The following MCTP1 variants were observed in gnomAD, a reference collection of about 807,000 sequenced individuals.
MCTP1 encodes multiple C2 and transmembrane domain-containing protein 1.
MCTP1 carries 69 observed loss-of-function variants against 120.6 expected under a neutral mutation model. The observed-to-expected ratio is 0.57, with a 90% CI of 0.47 to 0.70. MCTP1 has a LOEUF of 0.70. MCTP1 is among the 30% of genes least tolerant of loss of function. The pLI is 0.00. For synonymous variants in MCTP1, 529 were observed against 493.1 expected, an observed-to-expected ratio of 1.07 and a Z score of -0.96; for missense variants, 1,203 against 1,248.8, an observed-to-expected ratio of 0.96 and a Z score of 0.55.
intron 3 of MCTP1, among the ~76,000 whole-genome samples, chr5:94,946,370 G>A (rs1438587251): frequency 1.3e-5 from 2 of 152,140 alleles, no homozygotes; most frequent in Admixed American, 6.6e-5. Context: ...CAAAGATATG[G>A]AAGTGGCTTA....
At chr5:95,069,700 C>CA (rs1554199366) in intron 1 of MCTP1, among the ~76,000 whole-genome samples, 1 of 138,218 alleles carries the variant, frequency 7.2e-6, no homozygotes, top group Non-Finnish European at 1.5e-5. Flanking sequence ...CCCTTCTGCC[C>CA]TTTTTTTTTT....
At chr5:95,078,037 T>TCCATCCATCCAG (rs1467721182) in intron 1 of MCTP1, among the ~76,000 whole-genome samples, 34 of 152,080 alleles carry the variant, frequency 2.2e-4, no homozygotes, top group Admixed American at 5.2e-4. Context: ...CATCTATCCA[T>TCCATCCATCCAG]CCATCCATCC....
At chr5:95,228,974 C>T (rs1754614676) in intron 1 of MCTP1, among the ~76,000 whole-genome samples, 1 of 152,114 alleles carries the variant, frequency 6.6e-6, no homozygotes, top group Non-Finnish European at 1.5e-5. Context: ...TTATAAATTA[C>T]CCAGTCTCAG....
chr5:94,953,427 T>C lies in MCTP1; in HGVS notation c.839-66A>G, dbSNP rs293045. ...GTTTGGAAGCAAGAGAACCACTCTT[T>C]TGAAACAACAAAAAGTATTTAAAGG... On this transcript the variant is annotated intron_variant, in intron 2 of 22. Transcript: ENST00000515393. 0.037 allele frequency: 46,514 copies of C among 1,273,844 alleles called. 1,226 individuals are homozygous for C. Among genetic ancestry groups the C allele is most frequent in the East Asian group, 0.094 (3,590 of 38,078 alleles). The allele number at this position is 1,273,844 out of a possible 1,614,324, so 78.9% of individuals were successfully genotyped here.
intron 13 of MCTP1, among the ~76,000 whole-genome samples, chr5:94,871,803 A>G (rs887312502): frequency 4.6e-5 from 7 of 152,058 alleles, no homozygotes; most frequent in Admixed American, 4.6e-4. Flanking sequence ...ATAAAACACC[A>G]CCAGGTTTGA....
intron 1 of MCTP1, among the ~76,000 whole-genome samples, chr5:95,139,739 T>C (rs995168651): frequency 6.6e-6 from 1 of 152,224 alleles, no homozygotes; most frequent in Non-Finnish European, 1.5e-5. Flanking sequence ...TGTTAAGTGG[T>C]ATTGGCCCCA....
At chr5:95,110,373 G>A (rs1000723388) in intron 1 of MCTP1, among the ~76,000 whole-genome samples, 2 of 151,892 alleles carry the variant, frequency 1.3e-5, no homozygotes, top group Non-Finnish European at 2.9e-5. Context: ...TACCAGCAAA[G>A]GTGGATAGGA....
intron 1 of MCTP1, among the ~76,000 whole-genome samples, chr5:95,083,620 TGTCTAAAAGTGGTG>T (rs1244498840): frequency 1.3e-5 from 2 of 152,114 alleles, no homozygotes; most frequent in Admixed American, 6.6e-5. Flanking sequence ...GCTACCACAT[TGTCTAAAAGTGGTG>T]GTCTAAAACT....
intron 10 of MCTP1, among the ~76,000 whole-genome samples, chr5:94,900,071 C>G (rs543647859): frequency 6.6e-6 from 1 of 152,332 alleles, no homozygotes; most frequent in South Asian, 2.1e-4. Context: ...CAACAGTACC[C>G]TCCATGACTT....
intron 1 of MCTP1, among the ~76,000 whole-genome samples, chr5:95,139,582 T>C (rs913904521): frequency 6.6e-6 from 1 of 152,218 alleles, no homozygotes; most frequent in Non-Finnish European, 1.5e-5. Context: ...AACCTTATTT[T>C]AAAAAGTTAA....
At chr5:95,233,391 C>T (rs1039257184) in intron 1 of MCTP1, among the ~76,000 whole-genome samples, 7 of 151,286 alleles carry the variant, frequency 4.6e-5, no homozygotes, top group African/African-American at 9.7e-5. Flanking sequence ...TGCAGTGGCA[C>T]GATCTCAGCT....
chr5:95,029,885 C>G (rs1839968764), intron 1 of MCTP1, among the ~76,000 whole-genome samples: 1 of 152,186 alleles, frequency 6.6e-6, no homozygotes, highest in Non-Finnish European at 1.5e-5. Context: ...GTTACTCCAC[C>G]ACCAAATCCC....
rs114252004 is a variant in MCTP1, at chr5:95,043,202, C to T, written c.721-25718G>A. Among the ~76,000 whole-genome samples, 444 of 152,274 alleles carry T rather than the reference C, an allele frequency of 2.9e-3. 3 individuals carry two copies. Among genetic ancestry groups the T allele is most frequent in the African/African-American group, 9.6e-3 (401 of 41,568 alleles). On this transcript the variant is annotated intron_variant, in intron 1 of 22. Coordinates refer to ENST00000515393, the MANE Select transcript of MCTP1 (RefSeq NM_024717.7). ...CCACAGAGGGTCACATTTAACAATG[C>T]ATAGTTCAAAATCTAAACAAGAAAT...
rs7715989 is a variant in MCTP1 at position 94,752,900 on chromosome 5, A to G, written c.2610+26210T>C. ...TGGGATTTATGGTCATCTGAATTCT[A>G]AGACTAATCTGGGCAGGAAAATTGT... is the stretch of plus-strand genomic sequence containing the variant. On this transcript the variant is annotated intron_variant, in intron 19 of 22. Coordinates refer to ENST00000515393, the MANE Select transcript of MCTP1 (RefSeq NM_024717.7). Among the ~76,000 whole-genome samples the G allele has an allele frequency of 9.5e-4, 145 of 152,344 alleles. 1 individual carries two copies. The highest frequency in any genetic ancestry group is 2.5e-3 in the African/African-American group (102 of 41,580).
At chr5:94,890,884 A>C (rs920577288) in intron 11 of MCTP1, among the ~76,000 whole-genome samples, 1 of 152,220 alleles carries the variant, frequency 6.6e-6, no homozygotes, top group Non-Finnish European at 1.5e-5. Context: ...TCTGTAAATC[A>C]AAGGTACTTC....
intron 12 of MCTP1, 102 bp downstream of exon 12, chr5:94,888,777 T>C (rs1801886843): frequency 1.5e-6 from 1 of 649,754 alleles, no homozygotes; most frequent in East Asian, 2.8e-5. Context: ...AAATTATTTA[T>C]TTTGATGATC....
intron 1 of MCTP1, among the ~76,000 whole-genome samples, chr5:95,077,778 TTA>T (rs1753953369): frequency 6.6e-6 from 1 of 152,120 alleles, no homozygotes; most frequent in Non-Finnish European, 1.5e-5. Context: ...GGCCAGTTCG[TTA>T]TATATAATTT....
chr5:95,025,494 G>A (rs764473612), intron 1 of MCTP1, among the ~76,000 whole-genome samples: 1 of 152,170 alleles, frequency 6.6e-6, no homozygotes, highest in African/African-American at 2.4e-5. Context: ...AAAGTACAAA[G>A]TTTTAAGTTG....
At chr5:94,905,660 G>C (rs1272659319) in intron 10 of MCTP1, among the ~76,000 whole-genome samples, 1 of 152,256 alleles carries the variant, frequency 6.6e-6, no homozygotes, top group Non-Finnish European at 1.5e-5. Context: ...CAACAAACAA[G>C]AGAAGGCTGA....
Sources: gnomAD v4.1 joint callset for allele counts (sites outside exome capture counted in the v4.1 genomes callset) on GRCh38, gnomAD v4.1.1 for gene constraint, MANE v1.5 for transcripts, NCBI Gene and HGNC (gene_info 2026-07-23, HGNC 2026-07-21) for gene names.